The following PRMT8 variants were observed in gnomAD, a reference collection of about 807,000 sequenced individuals.
PRMT8 encodes the protein protein arginine N-methyltransferase 8.
In PRMT8, 7 loss-of-function variants were observed where a neutral mutation model predicts 47.1. That is an observed-to-expected ratio of 0.15 (90% CI 0.08 to 0.28). The LOEUF (loss-of-function observed/expected upper bound fraction) is 0.28. Ranked by LOEUF, PRMT8 falls within the 10% of genes least tolerant of loss-of-function variation. PRMT8 has a pLI of 1.00. For synonymous variants in PRMT8, 188 were observed against 186.5 expected (o/e 1.01, Z -0.07); for missense variants, 237 against 505.4 (o/e 0.47, Z 5.09).
intron 1 of PRMT8, among the ~76,000 whole-genome samples, chr12:3,434,004 T>G (rs1299149222): frequency 1.3e-5 from 2 of 152,212 alleles, no homozygotes; most frequent in Admixed American, 6.5e-5. Context: ...AAAAAACTGT[T>G]AGATGTTCTT....
chr12:3,558,996 A>ATCTG (rs1866583217), intron 4 of PRMT8, among the ~76,000 whole-genome samples: 2 of 148,414 alleles, frequency 1.3e-5, no homozygotes, highest in Non-Finnish European at 3.0e-5. Flanking sequence ...CTATCTGTCT[A>ATCTG]TCTATCCTGT....
At chr12:3,407,476 G>T (rs1321883851) in intron 1 of PRMT8, among the ~76,000 whole-genome samples, 2 of 152,012 alleles carry the variant, frequency 1.3e-5, no homozygotes, top group Non-Finnish European at 2.9e-5. Context: ...TCTGTTGATG[G>T]TTCTAACTCT....
At position 3,568,831 on chromosome 12, in the gene PRMT8, G is replaced by A; in HGVS notation, c.607G>A (p.Ala203Thr). ...GTCCATGCTCAACACGGTGATCTTT[G>A]CCAGGGACAAGTGGCTGGTAAGTGT... ...YESMLNTVIF[A>T]RDKWLKPGGL... The change falls in exon 5 of 10, where the codon GCC becomes ACC. Residue 203 changes from alanine to threonine, a missense_variant. Ala to Thr is a moderately conservative substitution (Grantham distance 58, BLOSUM62 0). Transcript: ENST00000382622. 1 of 1,614,150 alleles carries A rather than the reference G, an allele frequency of 6.2e-7. No homozygotes were observed. Among genetic ancestry groups the A allele is most frequent in the Non-Finnish European group, 8.5e-7 (1 of 1,180,024 alleles).
chr12:3,539,118 C>T (rs1239034640), intron 1 of PRMT8, among the ~76,000 whole-genome samples: 1 of 152,194 alleles, frequency 6.6e-6, no homozygotes, highest in Non-Finnish European at 1.5e-5. Context: ...TGAGCTGACC[C>T]AGCTCACAGA....
chr12:3,491,832 C>CGTG (rs1865409344), intron 1 of PRMT8, 132 bp downstream of exon 1: 1 of 535,872 alleles, frequency 1.9e-6, no homozygotes, highest in East Asian at 8.0e-5. Flanking sequence ...CGGCCTCCTC[C>CGTG]TGTGTGTGTG....
At chr12:3,489,831 A>ACG (rs1865358860), upstream of PRMT8, among the ~76,000 whole-genome samples, 1 of 101,348 alleles carries the variant, frequency 9.9e-6, no homozygotes, top group Non-Finnish European at 2.2e-5. Flanking sequence ...ACACACACAC[A>ACG]CACGCGCGCA....
chr12:3,499,081 G>T (rs1019286222), intron 1 of PRMT8, among the ~76,000 whole-genome samples: 1 of 151,816 alleles, frequency 6.6e-6, no homozygotes, highest in Non-Finnish European at 1.5e-5. Context: ...AAGGACAACA[G>T]TCTTGTTGGA....
intron 1 of PRMT8, among the ~76,000 whole-genome samples, chr12:3,537,886 T>C (rs1866145860): frequency 6.6e-6 from 1 of 152,186 alleles, no homozygotes; most frequent in Non-Finnish European, 1.5e-5. Flanking sequence ...TCCCTTCTTT[T>C]CCTTGGCCCC....
chr12:3,490,675 A>AGAGAGAGAGAGAGAGAG (rs1865374699), upstream of PRMT8, among the ~76,000 whole-genome samples: 1 of 121,158 alleles, frequency 8.3e-6, no homozygotes, highest in Non-Finnish European at 1.7e-5. Flanking sequence ...TTTGGGTACA[A>AGAGAGAGAGAGAGAGAG]AGAGAGAGAG....
At chr12:3,549,821 G>A (rs1866386639) in intron 2 of PRMT8, 115 bp from the exon 3 acceptor site, 1 of 1,183,516 alleles carries the variant, frequency 8.4e-7, no homozygotes, top group Non-Finnish European at 1.2e-6. Flanking sequence ...TCTGCCTGAT[G>A]ATATTATCGG....
At chr12:3,471,064 G>A (rs1006433836) in intron 1 of PRMT8, among the ~76,000 whole-genome samples, 7 of 152,230 alleles carry the variant, frequency 4.6e-5, no homozygotes, top group East Asian at 1.9e-4. Flanking sequence ...GTGACGCAGC[G>A]CTCAGAGAAG....
chr12:3,482,706 C>T (rs58302656), intron 1 of PRMT8, among the ~76,000 whole-genome samples: 15,962 of 152,106 alleles, frequency 0.1, 925 homozygotes, highest in African/African-American at 0.14. Flanking sequence ...TGTATGTGTG[C>T]CTGAGAGTTG....
intron 8 of PRMT8, among the ~76,000 whole-genome samples, chr12:3,586,618 C>T (rs1867180176): frequency 1.3e-5 from 2 of 152,182 alleles, no homozygotes; most frequent in Admixed American, 1.3e-4. Flanking sequence ...TCTTGAGCCT[C>T]ACCCTGGACC....
At chr12:3,568,462 C>T (rs901440476) in intron 4 of PRMT8, among the ~76,000 whole-genome samples, 6 of 152,352 alleles carry the variant, frequency 3.9e-5, no homozygotes, top group Middle Eastern at 3.4e-3. Flanking sequence ...TGATACCACG[C>T]ATATAACGGG....
intron 1 of PRMT8, among the ~76,000 whole-genome samples, chr12:3,410,303 A>G (rs189090539): frequency 1.6e-4 from 24 of 152,330 alleles, no homozygotes; most frequent in Non-Finnish European, 2.6e-4. Flanking sequence ...GTCCCCTGGC[A>G]GTGACCCACT....
intron 1 of PRMT8, among the ~76,000 whole-genome samples, chr12:3,444,564 G>A (rs1015529440): frequency 1.3e-5 from 2 of 152,246 alleles, no homozygotes; most frequent in African/African-American, 2.4e-5. Context: ...AATGTTGAGC[G>A]AAGGTCTTGG....
In PRMT8 at chr12:3,515,591, G is replaced by A. The variant is rs146333910; in HGVS notation, c.75+23891G>A. Among the ~76,000 whole-genome samples the A allele has an allele frequency of 6.4e-3, 968 of 152,318 alleles. 7 individuals are homozygous for A. The highest frequency in any genetic ancestry group is 0.016 in the Admixed American group (248 of 15,312). On this transcript the variant is annotated intron_variant, in intron 1 of 9. Transcript: ENST00000382622. ...TGCTAAATCAGAACCTCTGGGGACG[G>A]GGCCAGCAATCTGTTGTCCAGGTGA...
upstream of PRMT8, among the ~76,000 whole-genome samples, chr12:3,490,499 G>C (rs1244492188): frequency 6.6e-6 from 1 of 150,826 alleles, no homozygotes; most frequent in Admixed American, 6.6e-5. Flanking sequence ...AGGGTGAGGA[G>C]GGAGAAGAGA....
intron 1 of PRMT8, among the ~76,000 whole-genome samples, chr12:3,426,713 T>A (rs138477783): frequency 5.4e-4 from 83 of 152,328 alleles, no homozygotes; most frequent in African/African-American, 1.9e-3. Context: ...AATCATAGAA[T>A]AGATGAAAGA....
Sources: gnomAD v4.1 joint callset for allele counts (sites outside exome capture counted in the v4.1 genomes callset) on GRCh38, gnomAD v4.1.1 for gene constraint, MANE v1.5 for transcripts, NCBI Gene and HGNC (gene_info 2026-07-23, HGNC 2026-07-21) for gene names.